The following DLGAP2 variants were observed in gnomAD, a reference collection of about 807,000 sequenced individuals.
DLGAP2 encodes the protein disks large-associated protein 2.
DLGAP2 carries 26 observed loss-of-function variants against 100.3 expected under a neutral mutation model. That is an observed-to-expected ratio of 0.26 (90% CI 0.19 to 0.36). DLGAP2 has a LOEUF of 0.36. Among genes scored for constraint, DLGAP2 ranks in the 10% least tolerant of loss-of-function variants. DLGAP2 has a pLI of 1.00. For synonymous variants in DLGAP2, 886 were observed against 630.1 expected, an observed-to-expected ratio of 1.41 and a Z score of -6.08; for missense variants, 1,858 against 1,453.2, an observed-to-expected ratio of 1.28 and a Z score of -4.53.
At chr8:1,320,999 C>T (rs1314781481) in intron 3 of DLGAP2, among the ~76,000 whole-genome samples, 2 of 151,590 alleles carry the variant, frequency 1.3e-5, no homozygotes, top group Non-Finnish European at 2.9e-5. Context: ...ATCCGTGTGC[C>T]TCTGCGTGTG....
chr8:784,857 A>C (rs1174836702), intron 1 of DLGAP2, among the ~76,000 whole-genome samples: 2 of 152,132 alleles, frequency 1.3e-5, no homozygotes, highest in Non-Finnish European at 2.9e-5. Flanking sequence ...TCTAGTTTGT[A>C]AACTTGACCT....
intron 3 of DLGAP2, among the ~76,000 whole-genome samples, chr8:1,439,488 G>A (rs28428957): frequency 3.9e-5 from 6 of 152,046 alleles, no homozygotes; most frequent in African/African-American, 1.2e-4. Context: ...AGGGCTCCAG[G>A]GCTCAGCCCT....
At chr8:1,617,499 G>T (rs1217188223) in intron 6 of DLGAP2, among the ~76,000 whole-genome samples, 1 of 152,240 alleles carries the variant, frequency 6.6e-6, no homozygotes, top group Non-Finnish European at 1.5e-5. Flanking sequence ...ATTTTTTCAT[G>T]TGCTTGTTGG....
At position 868,536 on chromosome 8, in the gene DLGAP2, A is replaced by T. The variant is rs541550451; in HGVS notation, c.19-39376A>T. On this transcript the variant is annotated intron_variant, in intron 1 of 14. Transcript: ENST00000637795. ...CACTGCTCAGAGTCAGTCTCAAGTG[A>T]CCGGAGACGGTGATGTGTCACTAAT... is the stretch of plus-strand genomic sequence containing the variant. Among the ~76,000 whole-genome samples, 6 of 152,324 alleles carry T rather than the reference A, an allele frequency of 3.9e-5. No individual in the cohort carries two copies. In the South Asian group the frequency reaches 6.2e-4, roughly 16 times the overall value.
In DLGAP2 at chr8:1,519,856, G is replaced by C. The variant is rs572675736; in HGVS notation, c.172+18425G>C. On this transcript the variant is annotated intron_variant, in intron 4 of 14. Coordinates refer to ENST00000637795, the MANE Select transcript of DLGAP2 (RefSeq NM_001346810.2). ...GGCAGGGCCGCCCATGGCTTCCTTT[G>C]GGGGCACAGAGCAGGGGAGCATGGG... Among the ~76,000 whole-genome samples the C allele has an allele frequency of 1.8e-4, 27 of 152,348 alleles. No individual in the cohort carries two copies. In the East Asian group the frequency reaches 4.8e-3, roughly 27 times the overall value.
chr8:1,124,541 C>G (rs146675011), intron 2 of DLGAP2, among the ~76,000 whole-genome samples: 29 of 152,284 alleles, frequency 1.9e-4, no homozygotes, highest in African/African-American at 7.0e-4. Context: ...TTGTTTTCTA[C>G]CATTCATGAT....
chr8:1,411,770 A>G (rs1044704477), intron 3 of DLGAP2, among the ~76,000 whole-genome samples: 1 of 152,174 alleles, frequency 6.6e-6, no homozygotes, highest in Non-Finnish European at 1.5e-5. Context: ...ACTTTCCAGA[A>G]CTTGAATTTA....
chr8:1,553,953 C>G (rs3793409), intron 5 of DLGAP2, among the ~76,000 whole-genome samples: 2 of 152,202 alleles, frequency 1.3e-5, no homozygotes, highest in East Asian at 3.9e-4. Context: ...AAAATGGAGC[C>G]AGGCTCCCCT....
chr8:1,181,433 C>A (rs562525649), intron 2 of DLGAP2, among the ~76,000 whole-genome samples: 67 of 152,214 alleles, frequency 4.4e-4, no homozygotes, highest in African/African-American at 1.5e-3. Flanking sequence ...CTGCAGGGCA[C>A]GTGATCTCAT....
At chr8:1,477,097 C>G (rs1027732368) in intron 3 of DLGAP2, among the ~76,000 whole-genome samples, 2 of 152,270 alleles carry the variant, frequency 1.3e-5, no homozygotes, top group Admixed American at 6.5e-5. Flanking sequence ...GCCGCAGGCA[C>G]TGCACACATA....
At chr8:1,539,284 G>A (rs59583632) in intron 4 of DLGAP2, among the ~76,000 whole-genome samples, 2,690 of 152,272 alleles carry the variant, frequency 0.018, 81 homozygotes, top group African/African-American at 0.06. Flanking sequence ...GGACTTAATC[G>A]CTGCTGTTGG....
At chr8:1,083,264 C>T (rs1045992987) in intron 2 of DLGAP2, among the ~76,000 whole-genome samples, 10 of 152,188 alleles carry the variant, frequency 6.6e-5, no homozygotes, top group Non-Finnish European at 1.3e-4. Context: ...CTCACAGCCC[C>T]GGTTCCTAGT....
At chr8:1,359,639 G>C (rs1415138688) in intron 3 of DLGAP2, among the ~76,000 whole-genome samples, 1 of 152,242 alleles carries the variant, frequency 6.6e-6, no homozygotes, top group African/African-American at 2.4e-5. Flanking sequence ...CTGTCCCTGT[G>C]GGTGATGCGG....
chr8:1,700,202 T>C (rs1176352271), intron 14 of DLGAP2, among the ~76,000 whole-genome samples: 1 of 152,216 alleles, frequency 6.6e-6, no homozygotes, highest in Non-Finnish European at 1.5e-5. Context: ...CTGGGCTCCC[T>C]TTGGAATTTT....
rs149414625 is a variant in DLGAP2, at chr8:1,587,431, T to G, written c.1442+21537T>G. On this transcript the variant is annotated intron_variant, in intron 6 of 14. Coordinates refer to ENST00000637795, the MANE Select transcript of DLGAP2 (RefSeq NM_001346810.2). ...GTTTTCTAATTCATTAACTTCTGCT[T>G]TTATTGCTATTTCTTCTTTTGTTTT... Among the ~76,000 whole-genome samples the G allele has an allele frequency of 3.7e-3, 571 of 152,316 alleles. 1 individual carries two copies. Among genetic ancestry groups the G allele is most frequent in the African/African-American group, 0.013 (541 of 41,566 alleles).
chr8:738,784 C>G (rs898425425), intron 1 of DLGAP2: 5 of 152,922 alleles, frequency 3.3e-5, no homozygotes, highest in Admixed American at 2.0e-4. Context: ...CAGGCTGGAC[C>G]TGGGAACCCG....
At chr8:1,204,164 G>A (rs1797941933) in intron 2 of DLGAP2, among the ~76,000 whole-genome samples, 1 of 152,242 alleles carries the variant, frequency 6.6e-6, no homozygotes, top group South Asian at 2.1e-4. Flanking sequence ...CAGAGTTTGA[G>A]TAGTGAGGGG....
intron 2 of DLGAP2, among the ~76,000 whole-genome samples, chr8:1,212,484 G>A (rs1302222848): frequency 6.6e-6 from 1 of 152,168 alleles, no homozygotes; most frequent in Non-Finnish European, 1.5e-5. Flanking sequence ...AGACATTTAT[G>A]AGCCATGGAG....
chr8:1,180,454 G>A (rs77003070), intron 2 of DLGAP2, among the ~76,000 whole-genome samples: 2 of 152,186 alleles, frequency 1.3e-5, no homozygotes, highest in Admixed American at 6.5e-5. Context: ...CTTCAGGCCC[G>A]TGTGCCTGGG....
Sources: gnomAD v4.1 joint callset for allele counts (sites outside exome capture counted in the v4.1 genomes callset) on GRCh38, gnomAD v4.1.1 for gene constraint, MANE v1.5 for transcripts, NCBI Gene and HGNC (gene_info 2026-07-23, HGNC 2026-07-21) for gene names.